Variants in SDK1 observed in about 807,000 individuals in gnomAD.
SDK1 encodes protein sidekick-1.
A neutral mutation model predicts 245.5 loss-of-function variants in SDK1; 157 were observed. That is an observed-to-expected ratio of 0.64 (90% confidence interval 0.56 to 0.73). The LOEUF is 0.73. Among genes scored for constraint, SDK1 ranks in the 30% least tolerant of loss-of-function variants. SDK1 has a pLI of 0.00. For missense variants in SDK1, 3,583 were observed against 3,002.3 expected (o/e 1.19, Z -4.52); for synonymous variants, 1,647 against 1,278.5 (o/e 1.29, Z -6.15).
chr7:3,905,717 G>T (rs1778884428), intron 5 of SDK1, among the ~76,000 whole-genome samples: 1 of 151,778 alleles, frequency 6.6e-6, no homozygotes, highest in Admixed American at 6.6e-5. Flanking sequence ...CGAACTCCTG[G>T]GTTCAAGCAA....
At chr7:3,363,674 C>A (rs752416253) in intron 1 of SDK1, among the ~76,000 whole-genome samples, 1 of 152,158 alleles carries the variant, frequency 6.6e-6, no homozygotes, top group Non-Finnish European at 1.5e-5. Context: ...ACAAGAAGCA[C>A]GCAGTCTAGA....
chr7:3,643,444 C>G (rs560753499), intron 4 of SDK1: 2 of 149,764 alleles, frequency 1.3e-5, no homozygotes, highest in South Asian at 4.3e-4. Flanking sequence ...ACCTGAGCAT[C>G]TGTGGAATCC....
intron 4 of SDK1, among the ~76,000 whole-genome samples, chr7:3,763,152 AT>A (rs1318945568): frequency 6.6e-6 from 1 of 152,114 alleles, no homozygotes; most frequent in Admixed American, 6.5e-5. Flanking sequence ...ATAATGAGTA[AT>A]TTGTCTTGGA....
chr7:3,557,176 TA>T (rs1562561202), intron 1 of SDK1, among the ~76,000 whole-genome samples: 4 of 151,972 alleles, frequency 2.6e-5, no homozygotes, highest in African/African-American at 9.7e-5. Flanking sequence ...CCTGGTCCTT[TA>T]AAAACTTTAA....
intron 22 of SDK1, among the ~76,000 whole-genome samples, chr7:4,091,573 C>A (rs1330930522): frequency 1.3e-5 from 2 of 151,970 alleles, no homozygotes; most frequent in African/African-American, 4.8e-5. Context: ...AAACTCCTGA[C>A]CTCAGGTGAT....
chr7:3,701,306 A>T (rs563191848), intron 4 of SDK1, among the ~76,000 whole-genome samples: 1 of 152,356 alleles, frequency 6.6e-6, no homozygotes, highest in East Asian at 1.9e-4. Flanking sequence ...TTTGTGGCCA[A>T]CATGCCGTGT....
chr7:3,939,693 C>A (rs1281176709), intron 5 of SDK1, among the ~76,000 whole-genome samples: 1 of 152,144 alleles, frequency 6.6e-6, no homozygotes, highest in Non-Finnish European at 1.5e-5. Flanking sequence ...GTATGTATAT[C>A]TGAGTCTCTT....
At chr7:3,579,594 T>G (rs551854566) in intron 1 of SDK1, among the ~76,000 whole-genome samples, 5 of 152,288 alleles carry the variant, frequency 3.3e-5, no homozygotes, top group Non-Finnish European at 5.9e-5. Context: ...GCTGGAAGCA[T>G]TCCCTTTGAA....
chr7:3,861,965 C>G (rs1449107423), intron 5 of SDK1, among the ~76,000 whole-genome samples: 1 of 152,182 alleles, frequency 6.6e-6, no homozygotes, highest in Non-Finnish European at 1.5e-5. Context: ...TCCTAGAAGA[C>G]TCTAGTGACC....
At chr7:3,513,031 A>G (rs1339503355) in intron 1 of SDK1, among the ~76,000 whole-genome samples, 1 of 152,200 alleles carries the variant, frequency 6.6e-6, no homozygotes, top group African/African-American at 2.4e-5. Flanking sequence ...AGCATATCCT[A>G]GAAGCTAAGT....
chr7:4,011,164 T>G lies in SDK1; in HGVS notation c.2279+51T>G, dbSNP rs368559151. The G allele has an allele frequency of 5.0e-6, 8 of 1,593,710 alleles. No individual in the cohort carries two copies. The African/African-American group carries it at 9.4e-5, about 19-fold the overall frequency. On this transcript the variant is annotated intron_variant, in intron 15 of 44. Transcript: ENST00000404826. Reference sequence around the variant, plus strand: ...GGTGTGGAACAGCCGGGGGCCTGAATGCCAAAGAGAAGCATCACATTATGT... The same window carrying G: ...GGTGTGGAACAGCCGGGGGCCTGAAGGCCAAAGAGAAGCATCACATTATGT...
intron 13 of SDK1, among the ~76,000 whole-genome samples, chr7:3,975,837 C>T (rs1243184500): frequency 6.6e-6 from 1 of 152,264 alleles, no homozygotes; most frequent in Non-Finnish European, 1.5e-5. Flanking sequence ...CAGGAGTCCC[C>T]ATGGCTCTAC....
At chr7:3,744,901 TAAAG>T (rs1333964609) in intron 4 of SDK1, among the ~76,000 whole-genome samples, 1 of 152,134 alleles carries the variant, frequency 6.6e-6, no homozygotes, top group African/African-American at 2.4e-5. Flanking sequence ...ATATCCAAAA[TAAAG>T]AACTGCTTTT....
chr7:3,950,681 G>A (rs1161054353), intron 5 of SDK1, among the ~76,000 whole-genome samples: 2 of 152,090 alleles, frequency 1.3e-5, no homozygotes, highest in African/African-American at 2.4e-5. Flanking sequence ...GTCAAAACGC[G>A]CTTTTGTAGC....
At chr7:3,403,834 TATA>T (rs1357670522) in intron 1 of SDK1, among the ~76,000 whole-genome samples, 1 of 50,336 alleles carries the variant, frequency 2.0e-5, no homozygotes, top group Non-Finnish European at 3.2e-5. Context: ...CATATATATA[TATA>T]TATATATATA....
intron 25 of SDK1, among the ~76,000 whole-genome samples, chr7:4,122,558 A>T (rs536422975): frequency 8.5e-5 from 13 of 152,328 alleles, no homozygotes; most frequent in African/African-American, 3.1e-4. Flanking sequence ...TGAAGTTTAC[A>T]GTTTTGAAGT....
chr7:3,575,176 G>C (rs995115696), intron 1 of SDK1, among the ~76,000 whole-genome samples: 5 of 152,090 alleles, frequency 3.3e-5, no homozygotes, highest in Non-Finnish European at 7.4e-5. Flanking sequence ...CACCAGCTGA[G>C]TTTCTGGTGA....
intron 4 of SDK1, among the ~76,000 whole-genome samples, chr7:3,785,012 C>T (rs1780855748): frequency 6.6e-6 from 1 of 152,242 alleles, no homozygotes; most frequent in Non-Finnish European, 1.5e-5. Context: ...TAATGGAATA[C>T]TATTCATCCT....
chr7:3,536,711 C>G (rs1244157123), intron 1 of SDK1, among the ~76,000 whole-genome samples: 1 of 150,890 alleles, frequency 6.6e-6, no homozygotes, highest in Admixed American at 6.6e-5. Context: ...AAAACAAAAA[C>G]AAAAAACAAA....
Sources: allele counts gnomAD v4.1 joint callset (sites outside exome capture counted in the v4.1 genomes callset), GRCh38; gene constraint gnomAD v4.1.1; transcripts MANE v1.5; gene names NCBI Gene and HGNC (gene_info 2026-07-23, HGNC 2026-07-21).